Variants in LRBA observed in about 807,000 individuals in gnomAD.
LRBA encodes lipopolysaccharide-responsive and beige-like anchor protein.
A neutral mutation model predicts 330.0 loss-of-function variants in LRBA; 176 were observed. The ratio of observed to expected loss-of-function variants is 0.53; its 90% CI spans 0.47 to 0.60. The LOEUF (loss-of-function observed/expected upper bound fraction) is 0.60, where lower values mean the gene tolerates loss of function less well. LRBA is among the 20% of genes least tolerant of loss of function. LRBA has a pLI of 0.00. For synonymous variants in LRBA, 1,230 were observed against 1,193.0 expected, an observed-to-expected ratio of 1.03 and a Z score of -0.64; for missense variants, 3,259 against 3,444.8, an observed-to-expected ratio of 0.95 and a Z score of 1.35.
At chr4:150,511,187 C>T (rs1046361878) in intron 40 of LRBA, among the ~76,000 whole-genome samples, 8 of 152,064 alleles carry the variant, frequency 5.3e-5, no homozygotes, top group East Asian at 1.9e-4. Context: ...CATCCAAAAA[C>T]GAACTCACTA....
At chr4:150,272,837 G>C (rs888451434) in intron 56 of LRBA, among the ~76,000 whole-genome samples, 1 of 152,130 alleles carries the variant, frequency 6.6e-6, no homozygotes, top group Non-Finnish European at 1.5e-5. Context: ...CATTTGATTT[G>C]TATACCTGAA....
intron 36 of LRBA, among the ~76,000 whole-genome samples, chr4:150,709,590 A>T (rs1385349040): frequency 6.6e-6 from 1 of 152,008 alleles, no homozygotes; most frequent in Non-Finnish European, 1.5e-5. Context: ...GACTGTAATT[A>T]GTACTCATTT....
intron 37 of LRBA, among the ~76,000 whole-genome samples, chr4:150,633,949 T>C (rs1777634410): frequency 6.6e-6 from 1 of 152,172 alleles, no homozygotes; most frequent in South Asian, 2.1e-4. Context: ...ACCCCATCTC[T>C]ACTAAAAATA....
In LRBA at chr4:150,471,668, T is replaced by C. The variant is rs1212387256; in HGVS notation, c.6623A>G (p.Glu2208Gly). 1.9e-6 allele frequency: 3 copies of C among 1,609,394 alleles called. No homozygotes were observed. The African/African-American group carries it at 4.0e-5, about 22-fold the overall frequency. ...CATCAAGTACTCAAAATTAGATATC[T>C]CTCTGTGTTGCCATCGCTGGGTCAT... ...SNMTQRWQHREISNFEYLMFL... is the reference protein window; with the variant it reads ...SNMTQRWQHRGISNFEYLMFL... Residue 2208 changes from glutamate (E) to glycine (G), a missense_variant, in exon 43 of 57, where the codon GAG (glutamate) becomes GGG (glycine). Glu to Gly is a moderately conservative substitution (Grantham distance 98). Coordinates refer to ENST00000651943, the MANE Select transcript of LRBA (RefSeq NM_001364905.1).
At chr4:150,987,873 G>C (rs888164116) in intron 2 of LRBA, among the ~76,000 whole-genome samples, 1 of 151,826 alleles carries the variant, frequency 6.6e-6, no homozygotes, top group East Asian at 1.9e-4. Context: ...GTCCTGGTGA[G>C]CGGCTGTAAT....
At chr4:150,886,252 G>A (rs990911217) in intron 17 of LRBA, among the ~76,000 whole-genome samples, 1 of 152,134 alleles carries the variant, frequency 6.6e-6, no homozygotes, top group Non-Finnish European at 1.5e-5. Flanking sequence ...CCCTGTTTCA[G>A]GGCTGGATGT....
At position 150,915,660 on chromosome 4, in the gene LRBA, T is replaced by C. The variant is rs758982695; in HGVS notation, c.962A>G (p.Asn321Ser). 6.2e-7 allele frequency: 1 copy of C among 1,612,880 alleles called. No individual in the cohort carries two copies. Among genetic ancestry groups the C allele is most frequent in the Non-Finnish European group, 8.5e-7 (1 of 1,179,100 alleles). ...CTCTCCATAGGAAGCCAGCTCACCA[T>C]TCACATAACATCGAAGTTCACTATT... The part of the protein sequence containing the change: ...WKNSELRCYV[N>S]GELASYGEIT... Residue 321 changes from asparagine to serine, a missense_variant, in exon 8 of 57, where the codon AAT (asparagine) becomes AGT (serine). Coordinates refer to ENST00000651943, the MANE Select transcript of LRBA (RefSeq NM_001364905.1).
At chr4:150,953,286 T>G (rs181586809) in intron 2 of LRBA, among the ~76,000 whole-genome samples, 1 of 152,188 alleles carries the variant, frequency 6.6e-6, no homozygotes, top group East Asian at 1.9e-4. Context: ...GGATATTTAT[T>G]CTCCAGGATA....
At chr4:150,719,724 C>T (rs1000640447) in intron 36 of LRBA, among the ~76,000 whole-genome samples, 1 of 152,020 alleles carries the variant, frequency 6.6e-6, no homozygotes, top group African/African-American at 2.4e-5. Flanking sequence ...CAGAGAGAAA[C>T]AAACTGAGTA....
intron 37 of LRBA, among the ~76,000 whole-genome samples, chr4:150,676,523 G>A (rs1016991480): frequency 2.6e-5 from 4 of 152,080 alleles, no homozygotes; most frequent in Non-Finnish European, 4.4e-5. Flanking sequence ...AATTTGAAAC[G>A]TCAAATATCA....
chr4:150,401,969 A>T (rs1328360802), intron 47 of LRBA, among the ~76,000 whole-genome samples: 1 of 152,042 alleles, frequency 6.6e-6, no homozygotes, highest in Non-Finnish European at 1.5e-5. Flanking sequence ...GGAGGGAAAA[A>T]GGTTAACAAT....
intron 56 of LRBA, among the ~76,000 whole-genome samples, chr4:150,267,433 AAAC>A (rs916263840): frequency 3.7e-4 from 31 of 83,616 alleles, no homozygotes; most frequent in African/African-American, 1.1e-3. Context: ...GAGTCAAAAA[AAAC>A]AAACAACAAC....
chr4:150,900,290 G>T, intron 13 of LRBA, 73 bp from the exon 14 acceptor site: 2 of 1,132,280 alleles, frequency 1.8e-6, no homozygotes, highest in East Asian at 2.4e-5. Context: ...CTTCCAGGCT[G>T]TTTTATTTTC....
At chr4:150,989,288 G>A (rs552695369) in intron 2 of LRBA, among the ~76,000 whole-genome samples, 12 of 152,180 alleles carry the variant, frequency 7.9e-5, no homozygotes, top group Non-Finnish European at 1.5e-4. Context: ...TTACAGGTGC[G>A]AGCCACAGCC....
chr4:150,920,988 G>C (rs1733191412), intron 5 of LRBA, among the ~76,000 whole-genome samples: 1 of 152,186 alleles, frequency 6.6e-6, no homozygotes, highest in South Asian at 2.1e-4. Context: ...AGCTGTGACT[G>C]GGCATTTTCT....
chr4:150,936,183 C>G (rs1735066833), intron 2 of LRBA, among the ~76,000 whole-genome samples: 1 of 151,868 alleles, frequency 6.6e-6, no homozygotes, highest in Non-Finnish European at 1.5e-5. Context: ...TGAAATATTT[C>G]CAGAAAGCAA....
intron 44 of LRBA, among the ~76,000 whole-genome samples, chr4:150,440,282 C>T (rs1173012430): frequency 6.6e-6 from 1 of 151,928 alleles, no homozygotes; most frequent in Admixed American, 6.6e-5. Flanking sequence ...CAGGTAAACA[C>T]AAATAGCTCT....
chr4:150,533,609 T>C (rs990158396), intron 40 of LRBA, among the ~76,000 whole-genome samples: 3 of 152,236 alleles, frequency 2.0e-5, no homozygotes, highest in African/African-American at 7.2e-5. Context: ...CCCTTCATTA[T>C]CTGCTCTGAA....
chr4:150,338,351 C>A (rs1034018036), intron 48 of LRBA, among the ~76,000 whole-genome samples: 1 of 151,990 alleles, frequency 6.6e-6, no homozygotes, highest in Non-Finnish European at 1.5e-5. Flanking sequence ...AAACATAAAA[C>A]AATGTATTTA....
Sources: allele counts gnomAD v4.1 joint callset (sites outside exome capture counted in the v4.1 genomes callset), GRCh38; gene constraint gnomAD v4.1.1; transcripts MANE v1.5; gene names NCBI Gene and HGNC (gene_info 2026-07-23, HGNC 2026-07-21).